Variants in PALLD observed in about 807,000 individuals in gnomAD.
PALLD encodes palladin.
In PALLD, 61 loss-of-function variants were observed where a neutral mutation model predicts 123.5. That is an observed-to-expected ratio of 0.49 (90% CI 0.40 to 0.61). The LOEUF is 0.61. Among genes scored for constraint, PALLD ranks in the 20% least tolerant of loss-of-function variants. The pLI is 0.00. For missense variants in PALLD, 1,273 were observed against 1,377.0 expected (o/e 0.92, Z 1.20); for synonymous variants, 465 against 496.4 (o/e 0.94, Z 0.84).
intron 10 of PALLD, among the ~76,000 whole-genome samples, chr4:168,846,955 A>T (rs1746950987): frequency 6.6e-6 from 1 of 152,226 alleles, no homozygotes; most frequent in South Asian, 2.1e-4. Flanking sequence ...CAGAATTTTG[A>T]TATTTGCTAA....
intron 15 of PALLD, among the ~76,000 whole-genome samples, chr4:168,909,866 G>T (rs967870280): frequency 4.6e-5 from 7 of 152,090 alleles, no homozygotes; most frequent in Non-Finnish European, 7.4e-5. Context: ...AACTCTGGGG[G>T]TTTTTTCCCC....
intron 14 of PALLD, among the ~76,000 whole-genome samples, chr4:168,899,769 T>C (rs1007460766): frequency 7.2e-5 from 11 of 151,818 alleles, no homozygotes; most frequent in Non-Finnish European, 1.5e-5. Context: ...ATACAAAAAT[T>C]AGCTGGGCAT....
chr4:168,536,165 G>T (rs1198982369), intron 2 of PALLD, among the ~76,000 whole-genome samples: 8 of 152,026 alleles, frequency 5.3e-5, no homozygotes, highest in African/African-American at 1.9e-4. Context: ...TGCTACTCAG[G>T]ACTCTCCCAA....
intron 10 of PALLD, among the ~76,000 whole-genome samples, chr4:168,817,980 C>T (rs1253619539): frequency 6.6e-6 from 1 of 152,148 alleles, no homozygotes; most frequent in Non-Finnish European, 1.5e-5. Flanking sequence ...GGGTAGAGAG[C>T]TAAACTGGAG....
intron 10 of PALLD, among the ~76,000 whole-genome samples, chr4:168,848,081 G>A (rs1747152079): frequency 6.6e-6 from 1 of 152,126 alleles, no homozygotes; most frequent in Non-Finnish European, 1.5e-5. Context: ...GGGGTGCTAA[G>A]TTCCTGGAGA....
chr4:168,808,570 G>A (rs1165513613), intron 10 of PALLD, among the ~76,000 whole-genome samples: 1 of 152,188 alleles, frequency 6.6e-6, no homozygotes, highest in East Asian at 1.9e-4. Flanking sequence ...TTAACATAAA[G>A]CATTGTATTA....
At chr4:168,849,833 G>T (rs72975207) in intron 10 of PALLD, among the ~76,000 whole-genome samples, 4 of 151,462 alleles carry the variant, frequency 2.6e-5, no homozygotes, top group Admixed American at 2.6e-4. Context: ...GGCTGCATCA[G>T]GGGGCTCATA....
intron 10 of PALLD, among the ~76,000 whole-genome samples, chr4:168,758,596 T>C (rs1448391689): frequency 6.6e-6 from 1 of 152,284 alleles, no homozygotes; most frequent in East Asian, 1.9e-4. Flanking sequence ...TTGTTGGTAT[T>C]TTAGTCTGCT....
chr4:168,761,653 T>TTG (rs1561493842), intron 10 of PALLD, among the ~76,000 whole-genome samples: 6 of 37,580 alleles, frequency 1.6e-4, no homozygotes, highest in East Asian at 5.6e-4. Flanking sequence ...TTGTTTTTTT[T>TTG]TTTTTTTTTT....
chr4:168,673,128 G>A (rs933769225), intron 3 of PALLD, among the ~76,000 whole-genome samples: 2 of 152,168 alleles, frequency 1.3e-5, no homozygotes, highest in South Asian at 4.1e-4. Flanking sequence ...CTACTGTAAG[G>A]GAGGCCGTGG....
At chr4:168,704,697 G>A (rs1286416279) in intron 8 of PALLD, among the ~76,000 whole-genome samples, 1 of 148,116 alleles carries the variant, frequency 6.8e-6, no homozygotes, top group Admixed American at 6.7e-5. Context: ...TGTGTATGTT[G>A]TATTTGTATT....
intron 10 of PALLD, among the ~76,000 whole-genome samples, chr4:168,831,327 C>T (rs1383828599): frequency 6.7e-6 from 1 of 148,998 alleles, no homozygotes; most frequent in Non-Finnish European, 1.5e-5. Flanking sequence ...GACTCAGGGC[C>T]TCCAGTAGTT....
intron 10 of PALLD, among the ~76,000 whole-genome samples, chr4:168,797,981 G>A (rs925849587): frequency 2.6e-5 from 4 of 152,110 alleles, no homozygotes; most frequent in Non-Finnish European, 5.9e-5. Flanking sequence ...CATCAAATCA[G>A]AACCAGACAC....
At chr4:168,740,210 T>A (rs548453946) in intron 10 of PALLD, among the ~76,000 whole-genome samples, 3 of 152,336 alleles carry the variant, frequency 2.0e-5, no homozygotes, top group African/African-American at 7.2e-5. Flanking sequence ...TAAAAGATGC[T>A]TTAAAGGATG....
chr4:168,898,320 C>T, intron 13 of PALLD, 173 bp from the exon 14 acceptor site: 1 of 645,560 alleles, frequency 1.5e-6, no homozygotes, highest in South Asian at 1.8e-5. Context: ...ACCACATAAA[C>T]TCACTTCCAG....
chr4:168,777,135 A>C (rs1735275354), intron 10 of PALLD, among the ~76,000 whole-genome samples: 1 of 152,102 alleles, frequency 6.6e-6, no homozygotes, highest in South Asian at 2.1e-4. Flanking sequence ...ACAGTCTTAC[A>C]TGGTGAGGTC....
chr4:168,696,916 TA>T (rs1783181147), intron 8 of PALLD, among the ~76,000 whole-genome samples: 1 of 152,172 alleles, frequency 6.6e-6, no homozygotes, highest in Admixed American at 6.5e-5. Flanking sequence ...ATAATTTTTT[TA>T]AAGTTCCCCA....
intron 2 of PALLD, among the ~76,000 whole-genome samples, chr4:168,638,229 A>G (rs1433862454): frequency 6.6e-6 from 1 of 152,202 alleles, no homozygotes; most frequent in Admixed American, 6.5e-5. Context: ...TATTATCTGG[A>G]AACTATATTC....
chr4:168,652,952 T>A (rs1010321757), intron 2 of PALLD, among the ~76,000 whole-genome samples: 1 of 152,216 alleles, frequency 6.6e-6, no homozygotes, highest in Admixed American at 6.5e-5. Flanking sequence ...AGGCATTAGA[T>A]GATTTGTCCC....
Sources: allele counts gnomAD v4.1 joint callset (sites outside exome capture counted in the v4.1 genomes callset), GRCh38; gene constraint gnomAD v4.1.1; transcripts MANE v1.5; gene names NCBI Gene and HGNC (gene_info 2026-07-23, HGNC 2026-07-21).